Variants in PTH1R observed in about 807,000 individuals in gnomAD.
PTH1R encodes parathyroid hormone/parathyroid hormone-related peptide receptor.
In PTH1R, 32 loss-of-function variants were observed where a neutral mutation model predicts 70.7. The ratio of observed to expected loss-of-function variants is 0.45; its 90% CI spans 0.34 to 0.61. PTH1R has a LOEUF of 0.61. PTH1R is among the 20% of genes least tolerant of loss of function. The probability of loss-of-function intolerance (pLI) is 0.01; values close to 1 mark genes in which losing one functional copy is unlikely to be tolerated. For synonymous variants in PTH1R, 329 were observed against 324.8 expected (o/e 1.01, Z -0.14); for missense variants, 626 against 792.5 (o/e 0.79, Z 2.52).
In PTH1R at chr3:46,891,894, G is replaced by A. The variant is rs905766978; in HGVS notation, c.76-2013G>A. Reference sequence around the variant, plus strand: ...GTGACAGTAATGATGGTTATTGATGGAGGTACTAGCAGCAACGATGGAAAT... The same window carrying A: ...GTGACAGTAATGATGGTTATTGATGAAGGTACTAGCAGCAACGATGGAAAT... On this transcript the variant is annotated intron_variant, in intron 3 of 15. Coordinates refer to ENST00000449590, the MANE Select transcript of PTH1R (RefSeq NM_000316.3). The surrounding 1 kb of genome is among the most constrained non-coding windows in gnomAD (Gnocchi z 4.3). 5.9e-5 allele frequency among the ~76,000 whole-genome samples: 9 copies of A among 152,208 alleles called. No homozygotes were observed. Among genetic ancestry groups the A allele is most frequent in the African/African-American group, 2.2e-4 (9 of 41,498 alleles).
At chr3:46,885,252 T>C (rs75721619) in intron 3 of PTH1R, among the ~76,000 whole-genome samples, 3,759 of 152,208 alleles carry the variant, frequency 0.025, 77 homozygotes, top group Non-Finnish European at 0.04. Context: ...GTGTCTGAAG[T>C]TGTGGTGCAT....
At position 46,882,531 on chromosome 3, in the gene PTH1R, C is replaced by A. The variant is rs1247344496; in HGVS notation, c.-48-981C>A. 10 of 151,036 alleles carry A rather than the reference C, an allele frequency of 6.6e-5. No individual in the cohort carries two copies. In the East Asian group the frequency reaches 2.0e-3, roughly 30 times the overall value. The allele number at this position is 151,036 out of a possible 1,614,324, so 9.4% of individuals were successfully genotyped here. On this transcript the variant is annotated intron_variant, in intron 2 of 15. Transcript: ENST00000449590. This position sits in a 1 kb window ranked among gnomAD's most constrained non-coding sequence, Gnocchi z 4.3. Reference sequence around the variant, plus strand: ...GAGTCGGGGAGGAGCGACTCCGGGCCTGGCCGGAGCAGCCAGGCTGCTCTG... The same window carrying A: ...GAGTCGGGGAGGAGCGACTCCGGGCATGGCCGGAGCAGCCAGGCTGCTCTG...
chr3:46,887,616 GGTACCTCTT>G (rs1181854947), intron 3 of PTH1R, among the ~76,000 whole-genome samples: 1 of 152,062 alleles, frequency 6.6e-6, no homozygotes, highest in African/African-American at 2.4e-5. Flanking sequence ...GTTTCCAAAT[GGTACCTCTT>G]TGTGTACATA....
intron 4 of PTH1R, among the ~76,000 whole-genome samples, chr3:46,894,252 C>T (rs2031606742): frequency 6.6e-6 from 1 of 152,154 alleles, no homozygotes; most frequent in Admixed American, 6.5e-5. Context: ...ACAACCAGCA[C>T]TCAGACTGAT....
Position 46,902,560 on chromosome 3 carries a change from C to A in PTH1R, c.1246C>A (p.Leu416Ile). 6.2e-7 allele frequency: 1 copy of A among 1,613,198 alleles called. No individual in the cohort carries two copies. The highest frequency in any genetic ancestry group is 8.5e-7 in the Non-Finnish European group (1 of 1,179,948). Residue 416 changes from leucine (L) to isoleucine (I), a missense_variant, in exon 14 of 16, where the codon CTC becomes ATC. Coordinates refer to ENST00000449590, the MANE Select transcript of PTH1R (RefSeq NM_000316.3). This position sits in a 1 kb window ranked among gnomAD's most constrained non-coding sequence, Gnocchi z 5.4. ...LLKSTLVLMP[L>I]FGVHYIVFMA... ...CAAATCCACGCTGGTGCTCATGCCC[C>A]TCTTTGGCGTCCACTACATTGTCTT...
intron 9 of PTH1R, 93 bp from the exon 10 acceptor site, chr3:46,899,210 A>G: frequency 6.4e-7 from 1 of 1,559,234 alleles, no homozygotes; most frequent in East Asian, 2.3e-5. Flanking sequence ...GGCCGGCACC[A>G]CTTGTCCTCT....
At chr3:46,880,569 G>A (rs1029841443) in intron 1 of PTH1R, among the ~76,000 whole-genome samples, 31 of 152,170 alleles carry the variant, frequency 2.0e-4, no homozygotes, top group African/African-American at 6.0e-4. Flanking sequence ...GTGAAACCCC[G>A]TCTCTACCAA....
Position 46,901,449 on chromosome 3 carries a change from T to A in PTH1R, c.1085T>A (p.Ile362Asn). The A allele has an allele frequency of 6.3e-7, 1 of 1,576,366 alleles. No homozygotes were observed. The highest frequency in any genetic ancestry group is 1.2e-5 in the South Asian group (1 of 85,870). The change falls in exon 12 of 16, where the codon ATC (isoleucine) becomes AAC (asparagine). Residue 362 changes from isoleucine to asparagine, a missense_variant. Coordinates refer to ENST00000449590, the MANE Select transcript of PTH1R (RefSeq NM_000316.3). The surrounding 1 kb of genome is among the most constrained non-coding windows in gnomAD (Gnocchi z 7.3). ...TTGAGCTCCGGGAACAAAAAGTGGA[T>A]CATCCAGGTGCCCATCCTGGCCTCC... The part of the protein sequence containing the change: ...WDLSSGNKKW[I>N]IQVPILASIV...
rs1292799885 is a variant in PTH1R, at chr3:46,879,639, T to G, written c.-105-1423T>G. On this transcript the variant is annotated intron_variant, in intron 1 of 15. Transcript: ENST00000449590. The surrounding 1 kb of genome is among the most constrained non-coding windows in gnomAD (Gnocchi z 4.7). ...GCTCATGCCTGTGGTGCCAGCTACA[T>G]GAGAGGCTGAGGTGAGAGGATTGCT... Among the ~76,000 whole-genome samples, 3 of 152,032 alleles carry G rather than the reference T, an allele frequency of 2.0e-5. No individual in the cohort carries two copies. Among genetic ancestry groups the G allele is most frequent in the African/African-American group, 7.3e-5 (3 of 41,370 alleles).
chr3:46,893,003 C>G lies in PTH1R; in HGVS notation c.76-904C>G, dbSNP rs1443357132. Among the ~76,000 whole-genome samples the G allele has an allele frequency of 2.0e-5, 3 of 152,206 alleles. No individual in the cohort carries two copies. The highest frequency in any genetic ancestry group is 1.3e-4 in the Admixed American group (2 of 15,284). On this transcript the variant is annotated intron_variant, in intron 3 of 15. Transcript: ENST00000449590. This position sits in a 1 kb window ranked among gnomAD's most constrained non-coding sequence, Gnocchi z 5.2. ...TGGGCTAGGCACACCAGGCTGCTCC[C>G]AAGTCAGAGGACAGAGGCTGAGACC...
At chr3:46,888,784 T>C (rs561792749) in intron 3 of PTH1R, among the ~76,000 whole-genome samples, 1 of 152,274 alleles carries the variant, frequency 6.6e-6, no homozygotes, top group East Asian at 1.9e-4. Context: ...AGGGCCTGCT[T>C]ATGAAGATCC....
chr3:46,901,522 G>A lies in PTH1R; in HGVS notation c.1116+42G>A. On this transcript the variant is annotated intron_variant, in intron 12 of 15. Coordinates refer to ENST00000449590, the MANE Select transcript of PTH1R (RefSeq NM_000316.3). This position sits in a 1 kb window ranked among gnomAD's most constrained non-coding sequence, Gnocchi z 7.3. Reference sequence around the variant, plus strand: ...TGCTGGCCACAGGGGTGGGTGGGATGTGCGCCTGCGTCCCCTGGAACCAGC... The same window carrying A: ...TGCTGGCCACAGGGGTGGGTGGGATATGCGCCTGCGTCCCCTGGAACCAGC... The A allele has an allele frequency of 6.5e-7, 1 of 1,550,260 alleles. No individual in the cohort carries two copies. Among genetic ancestry groups the A allele is most frequent in the South Asian group, 1.2e-5 (1 of 84,162 alleles).
In PTH1R at chr3:46,901,948, GA is replaced by G; in HGVS notation, c.1211+90del. 7.4e-7 allele frequency: 1 copy of G among 1,343,570 alleles called. No individual in the cohort carries two copies. Among genetic ancestry groups the G allele is most frequent in the Non-Finnish European group, 1.1e-6 (1 of 947,770 alleles). 83.2% of individuals were successfully genotyped at this position (1,343,570 alleles called of 1,614,324 possible). A position where few individuals can be genotyped will look rare whatever the true frequency, so the allele number is the denominator to read the frequency against. ...ACCCCAGGAAAGACAGTGGCCCCATGAATGATCCTGGGGCAAGGGAAAGGAC... is the reference window on the plus strand; with the variant it reads ...ACCCCAGGAAAGACAGTGGCCCCATGATGATCCTGGGGCAAGGGAAAGGAC... On this transcript the variant is annotated intron_variant, in intron 13 of 15. Coordinates refer to ENST00000449590, the MANE Select transcript of PTH1R (RefSeq NM_000316.3). This position sits in a 1 kb window ranked among gnomAD's most constrained non-coding sequence, Gnocchi z 7.3.
rs980229637 is a variant in PTH1R at position 46,891,071 on chromosome 3, T to C, written c.76-2836T>C. ...CTTCTTGGGAAAGTGCTTCCTTAAC[T>C]TTAACATGAGTTATTCTTGTTGCAA... On this transcript the variant is annotated intron_variant, in intron 3 of 15. Transcript: ENST00000449590. The surrounding 1 kb of genome is among the most constrained non-coding windows in gnomAD (Gnocchi z 4.3). Among the ~76,000 whole-genome samples the C allele has an allele frequency of 2.0e-5, 3 of 152,230 alleles. No individual in the cohort carries two copies. The highest frequency in any genetic ancestry group is 4.8e-5 in the African/African-American group (2 of 41,456).
chr3:46,891,309 A>G lies in PTH1R; in HGVS notation c.76-2598A>G, dbSNP rs2031402884. Among the ~76,000 whole-genome samples the G allele has an allele frequency of 6.6e-6, 1 of 152,062 alleles. No individual in the cohort carries two copies. The highest frequency in any genetic ancestry group is 2.4e-5 in the African/African-American group (1 of 41,414). On this transcript the variant is annotated intron_variant, in intron 3 of 15. Transcript: ENST00000449590. This position sits in a 1 kb window ranked among gnomAD's most constrained non-coding sequence, Gnocchi z 4.3. ...ACAGCTGGAGGTAGAGGCTGAGCCAATTCCTTGAGCCAGTGAGGGGTGTGT... is the reference window on the plus strand; with the variant it reads ...ACAGCTGGAGGTAGAGGCTGAGCCAGTTCCTTGAGCCAGTGAGGGGTGTGT...
In PTH1R at chr3:46,897,941, T is replaced by G. The variant is rs751847005; in HGVS notation, c.400T>G (p.Tyr134Asp). 1 of 1,614,106 alleles carries G rather than the reference T, an allele frequency of 6.2e-7. No homozygotes were observed. The highest frequency in any genetic ancestry group is 8.5e-7 in the Non-Finnish European group (1 of 1,180,008). Residue 134 changes from tyrosine to aspartate, a missense_variant, in exon 6 of 16, where the codon TAC becomes GAC. This residue lies in a region of PTH1R where 495 missense variants were observed against 638.7 expected (regional missense o/e 0.77). Transcript: ENST00000449590. ...GGTGGTGGCTGTGCCCTGTCCGGAC[T>G]ACATTTATGACTTCAATCACAAAGG... The part of the protein sequence containing the change: ...GEVVAVPCPD[Y>D]IYDFNHKGHA...
rs754612921 is a variant in PTH1R, at chr3:46,898,474, TGGGCG to T, written c.638+13_638+17del. ...TGTGCTCATCCTGGCCTACTTTAGG[TGGGCG>T]GGGCGGGGCGAGAGGCGGCGGGACA... On this transcript the variant is annotated splice_donor_5th_base_variant and intron_variant, in intron 8 of 15. Transcript: ENST00000449590. 1.4e-4 allele frequency: 233 copies of T among 1,611,712 alleles called. No individual in the cohort carries two copies. The highest frequency in any genetic ancestry group is 1.9e-4 in the Non-Finnish European group (225 of 1,178,284).
rs148587668 is a variant in PTH1R, at chr3:46,903,416, C to T, written c.1542C>T (p.Leu514=). Residue 514 remains leucine, a synonymous_variant, in exon 16 of 16, where the codon CTC becomes CTT. Coordinates refer to ENST00000449590, the MANE Select transcript of PTH1R (RefSeq NM_000316.3). This position sits in a 1 kb window ranked among gnomAD's most constrained non-coding sequence, Gnocchi z 4.4. ...SVTNVGPRVG[L]GLPLSPRLLP... The stretch of plus-strand genomic sequence containing the variant: ...CCAATGTCGGCCCCCGTGTGGGACT[C>T]GGCCTGCCCCTCAGCCCCCGCCTAC... 5 of 1,613,164 alleles carry T rather than the reference C, an allele frequency of 3.1e-6. No homozygotes were observed. Among genetic ancestry groups the T allele is most frequent in the Middle Eastern group, 1.6e-4 (1 of 6,076 alleles).
In PTH1R at chr3:46,902,395, T is replaced by C; in HGVS notation, c.1212-131T>C. The C allele has an allele frequency of 8.0e-7, 1 of 1,257,352 alleles. No homozygotes were observed. The highest frequency in any genetic ancestry group is 2.0e-5 in the Admixed American group (1 of 50,610). 77.9% of individuals were successfully genotyped at this position (1,257,352 alleles called of 1,614,324 possible). A position where few individuals can be genotyped will look rare whatever the true frequency, so the allele number is the denominator to read the frequency against. ...GCAGCCATGCAGGTGAACTGGGTTG[T>C]CCTCCCATGGTGACTGGAGCCCTGG... is the stretch of plus-strand genomic sequence containing the variant. On this transcript the variant is annotated intron_variant, in intron 13 of 15. Transcript: ENST00000449590. This position sits in a 1 kb window ranked among gnomAD's most constrained non-coding sequence, Gnocchi z 5.4.
Sources: gnomAD v4.1 joint callset for allele counts (sites outside exome capture counted in the v4.1 genomes callset) on GRCh38, gnomAD v4.1.1 for gene constraint, gnomAD v4.1.1 regional missense constraint, Gnocchi (gnomAD v3.1) non-coding constraint, MANE v1.5 for transcripts, NCBI Gene and HGNC (gene_info 2026-07-23, HGNC 2026-07-21) for gene names.